HDAC9: variants seen among roughly 807,000 people sequenced by gnomAD.
The protein encoded by HDAC9 is histone deacetylase 9.
A neutral mutation model predicts 139.4 loss-of-function variants in HDAC9; 41 were observed. The observed-to-expected ratio is 0.29, with a 90% CI of 0.23 to 0.38. The LOEUF (loss-of-function observed/expected upper bound fraction) is 0.38, where lower values mean the gene tolerates loss of function less well. HDAC9 is among the 10% of genes least tolerant of loss of function. The pLI, the probability that HDAC9 is intolerant of heterozygous loss-of-function variation, is 1.00. For missense variants in HDAC9, 1,147 were observed against 1,297.0 expected (o/e 0.88, Z 1.78); for synonymous variants, 517 against 476.2 (o/e 1.09, Z -1.12).
rs114224059 is a variant in HDAC9, at chr7:18,329,065, T to C, written c.-42+38550T>C. ...TCCATGTTTGTAGTTCATTTGTTTCTTCTAGGTTATCCTACTTGTTGGTAT... is the reference window on the plus strand; with the variant it reads ...TCCATGTTTGTAGTTCATTTGTTTCCTCTAGGTTATCCTACTTGTTGGTAT... On this transcript the variant is annotated intron_variant, in intron 1 of 3. Coordinates refer to the HDAC9 transcript ENST00000413509. Among the ~76,000 whole-genome samples the C allele has an allele frequency of 4.6e-3, 696 of 151,972 alleles. 4 individuals carry two copies. The highest frequency in any genetic ancestry group is 0.016 in the African/African-American group (674 of 41,534).
At chr7:18,589,114 A>G (rs1258164359) in intron 3 of HDAC9, among the ~76,000 whole-genome samples, 2 of 152,194 alleles carry the variant, frequency 1.3e-5, no homozygotes, top group African/African-American at 2.4e-5. Flanking sequence ...TACTAATGTC[A>G]GAACCTAAGG....
intron 1 of HDAC9, among the ~76,000 whole-genome samples, chr7:18,131,162 C>A (rs375544458): frequency 1.3e-5 from 2 of 152,082 alleles, no homozygotes; most frequent in African/African-American, 2.4e-5. Flanking sequence ...AGGAGAACTT[C>A]GTCAGCATAC....
At chr7:18,941,253 C>T (rs78149490) in intron 23 of HDAC9, among the ~76,000 whole-genome samples, 5,175 of 151,752 alleles carry the variant, frequency 0.034, 181 homozygotes, top group African/African-American at 0.089. Context: ...CCCTCCCTCT[C>T]TCCAGTTTCT....
intron 1 of HDAC9, among the ~76,000 whole-genome samples, chr7:18,467,270 T>A (rs1794357524): frequency 6.6e-6 from 1 of 152,156 alleles, no homozygotes; most frequent in African/African-American, 2.4e-5. Flanking sequence ...ATGTTTGATA[T>A]TTCCCTCTCC....
intron 17 of HDAC9, among the ~76,000 whole-genome samples, chr7:18,810,762 G>T (rs1794111434): frequency 6.6e-6 from 1 of 151,790 alleles, no homozygotes; most frequent in Admixed American, 6.6e-5. Flanking sequence ...ATAAATGGCA[G>T]TATAGAGTAT....
chr7:18,901,113 C>T (rs1336897867), intron 22 of HDAC9, among the ~76,000 whole-genome samples: 3 of 151,360 alleles, frequency 2.0e-5, no homozygotes, highest in African/African-American at 7.3e-5. Flanking sequence ...TAATAATATA[C>T]TACAGAGATT....
At position 18,435,352 on chromosome 7, in the gene HDAC9, A is replaced by C. The variant is rs533708492; in HGVS notation, c.-41-60910A>C. On this transcript the variant is annotated intron_variant, in intron 1 of 3. Transcript: ENST00000413509. Reference sequence around the variant, plus strand: ...GAAATCATCTGTACACCAAACCCCCAAGACATGCAATTTACCTATGTAACA... The same window carrying C: ...GAAATCATCTGTACACCAAACCCCCCAGACATGCAATTTACCTATGTAACA... 2.2e-4 allele frequency among the ~76,000 whole-genome samples: 33 copies of C among 152,082 alleles called. No homozygotes were observed. In the South Asian group the frequency reaches 6.4e-3, roughly 30 times the overall value.
At chr7:18,330,990 A>C (rs1800877322) in intron 1 of HDAC9, among the ~76,000 whole-genome samples, 1 of 151,758 alleles carries the variant, frequency 6.6e-6, no homozygotes, top group Admixed American at 6.6e-5. Context: ...ATACAGTAAT[A>C]CATGAATACA....
rs1423938812 is a variant in HDAC9 at position 18,469,760 on chromosome 7, G to A, written c.-41-26502G>A. Among the ~76,000 whole-genome samples, 3 of 152,236 alleles carry A rather than the reference G, an allele frequency of 2.0e-5. No homozygotes were observed. In the East Asian group the frequency reaches 5.8e-4, roughly 29 times the overall value. On this transcript the variant is annotated intron_variant, in intron 1 of 3. Transcript: ENST00000413509. Reference sequence around the variant, plus strand: ...AATGAGTGAGTTACAATTCCTTCCTGCATGTAGCTCAGCTTAGCAGGGGAA... The same window carrying A: ...AATGAGTGAGTTACAATTCCTTCCTACATGTAGCTCAGCTTAGCAGGGGAA...
intron 1 of HDAC9, among the ~76,000 whole-genome samples, chr7:18,103,994 G>A (rs1056182519): frequency 6.6e-6 from 1 of 152,062 alleles, no homozygotes; most frequent in East Asian, 1.9e-4. Flanking sequence ...CCATCTCAGG[G>A]AACACTCATA....
intron 1 of HDAC9, among the ~76,000 whole-genome samples, chr7:18,447,570 T>G (rs1792410306): frequency 1.3e-5 from 2 of 152,212 alleles, no homozygotes; most frequent in South Asian, 4.1e-4. Flanking sequence ...ATACATCAGA[T>G]TAATGATCTT....
intron 17 of HDAC9, among the ~76,000 whole-genome samples, chr7:18,824,041 A>AGAGGAAGAG (rs879411184): frequency 0.01 from 1,186 of 113,584 alleles, 11 homozygotes; most frequent in Non-Finnish European, 0.01. Flanking sequence ...AGGAAGAGGA[A>AGAGGAAGAG]GAGGAAGAAG....
chr7:18,627,802 C>G (rs1321277298), intron 6 of HDAC9, among the ~76,000 whole-genome samples: 1 of 152,050 alleles, frequency 6.6e-6, no homozygotes, highest in Admixed American at 6.6e-5. Context: ...CATTTTCGGG[C>G]TTTTGGTTTT....
At chr7:18,253,869 T>C (rs559979620) in intron 2 of HDAC9, among the ~76,000 whole-genome samples, 19 of 152,314 alleles carry the variant, frequency 1.2e-4, no homozygotes, top group African/African-American at 4.1e-4. Flanking sequence ...CATCCAGAAC[T>C]GGAGGTGCTA....
chr7:18,337,578 T>C (rs1781674704), intron 1 of HDAC9, among the ~76,000 whole-genome samples: 1 of 151,774 alleles, frequency 6.6e-6, no homozygotes, highest in Non-Finnish European at 1.5e-5. Context: ...CTCATCTTCC[T>C]TGCAAGGGCA....
intron 9 of HDAC9, among the ~76,000 whole-genome samples, chr7:18,645,234 A>G (rs951904996): frequency 6.6e-6 from 1 of 152,154 alleles, no homozygotes; most frequent in African/African-American, 2.4e-5. Context: ...CTTCGAAAGC[A>G]CAGCAGCATA....
chr7:18,644,393 G>A (rs1186172230), intron 8 of HDAC9, among the ~76,000 whole-genome samples: 1 of 152,058 alleles, frequency 6.6e-6, no homozygotes, highest in Non-Finnish European at 1.5e-5. Flanking sequence ...TTTATCAGCA[G>A]ATGACAAACA....
chr7:18,966,919 C>T (rs562220100), intron 24 of HDAC9, among the ~76,000 whole-genome samples: 3 of 152,238 alleles, frequency 2.0e-5, no homozygotes, highest in Admixed American at 6.5e-5. Context: ...ATTTTAATTT[C>T]GCTATCAACA....
intron 1 of HDAC9, among the ~76,000 whole-genome samples, chr7:18,316,848 C>T (rs947468387): frequency 6.6e-6 from 1 of 150,534 alleles, no homozygotes; most frequent in Non-Finnish European, 1.5e-5. Flanking sequence ...AAATCCAGCA[C>T]TTTGGGAGGC....
Sources: allele counts gnomAD v4.1 joint callset (sites outside exome capture counted in the v4.1 genomes callset), GRCh38; gene constraint gnomAD v4.1.1; transcripts MANE v1.5; gene names NCBI Gene and HGNC (gene_info 2026-07-23, HGNC 2026-07-21).